The following LINGO2 variants were observed in gnomAD, a reference collection of about 807,000 sequenced individuals.
The protein encoded by LINGO2 is leucine rich repeat and Ig domain containing 2.
Under a neutral mutation model 30.6 loss-of-function variants are expected in LINGO2, and 14 were observed. That is an observed-to-expected ratio of 0.46 (90% CI 0.30 to 0.72). LINGO2 has a LOEUF of 0.72. Ranked by LOEUF, LINGO2 falls within the 30% of genes least tolerant of loss-of-function variation. The probability of loss-of-function intolerance (pLI) is 0.07; values close to 1 mark genes in which losing one functional copy is unlikely to be tolerated. For missense variants in LINGO2, 729 were observed against 751.7 expected (o/e 0.97, Z 0.35); for synonymous variants, 317 against 288.5 (o/e 1.10, Z -1.00).
rs550205466 is a variant in LINGO2, at chr9:28,189,208, C to T, written c.-87+106000G>A. On this transcript the variant is annotated intron_variant, in intron 4 of 5. Transcript: ENST00000379992. ...CAGAGCAGTGATCTTTTTTTTCTAC[C>T]ATATTAGGAAGGAAAGAAGGAAGGA... Among the ~76,000 whole-genome samples the T allele has an allele frequency of 1.2e-4, 17 of 143,714 alleles. No homozygotes were observed. The South Asian group carries it at 3.6e-3, about 30-fold the overall frequency. 94.3% of individuals were successfully genotyped at this position (143,714 alleles called of 152,430 possible).
chr9:29,091,491 A>G, the LINGO2 span, among the ~76,000 whole-genome samples: 5 of 152,106 alleles, frequency 3.3e-5, no homozygotes, highest in Admixed American at 2.6e-4. Context: ...AGATGAGTGT[A>G]CAACAGCTCT....
At chr9:28,302,337 C>T (rs1824180495) in intron 3 of LINGO2, among the ~76,000 whole-genome samples, 1 of 152,194 alleles carries the variant, frequency 6.6e-6, no homozygotes, top group Admixed American at 6.5e-5. Context: ...ATTAGTTTGA[C>T]AGCAGTACCA....
chr9:28,396,629 G>C (rs1184420227), intron 2 of LINGO2, among the ~76,000 whole-genome samples: 2 of 147,696 alleles, frequency 1.4e-5, no homozygotes, highest in East Asian at 4.2e-4. Flanking sequence ...GCGTGAACCC[G>C]GGAGGCGGAG....
At chr9:29,184,968 T>C in the LINGO2 span, among the ~76,000 whole-genome samples, 2 of 152,178 alleles carry the variant, frequency 1.3e-5, 1 homozygote, top group South Asian at 4.1e-4. Flanking sequence ...AACACAGTGA[T>C]TAAAAATAAT....
the LINGO2 span, among the ~76,000 whole-genome samples, chr9:28,857,894 T>A: frequency 6.6e-6 from 1 of 152,166 alleles, no homozygotes; most frequent in African/African-American, 2.4e-5. Context: ...CTATTTCTTT[T>A]AATTTTTTTA....
the LINGO2 span, among the ~76,000 whole-genome samples, chr9:29,068,461 T>C: frequency 3.3e-5 from 5 of 151,846 alleles, no homozygotes; most frequent in African/African-American, 1.2e-4. Context: ...TAGTTTTAGA[T>C]TGGTACAGAA....
intron 4 of LINGO2, among the ~76,000 whole-genome samples, chr9:28,221,446 G>C (rs955332498): frequency 7.9e-5 from 12 of 151,118 alleles, no homozygotes; most frequent in African/African-American, 2.4e-4. Flanking sequence ...CATGTTTTAC[G>C]CAGTAAATAT....
the LINGO2 span, among the ~76,000 whole-genome samples, chr9:28,783,506 G>A: frequency 1.3e-5 from 2 of 151,782 alleles, no homozygotes; most frequent in African/African-American, 4.8e-5. Flanking sequence ...TGGAATCCAC[G>A]GATATGGAGG....
chr9:28,696,528 T>C, the LINGO2 span, among the ~76,000 whole-genome samples: 16 of 152,046 alleles, frequency 1.1e-4, 1 homozygote, highest in South Asian at 3.3e-3. Context: ...AATGAATTCA[T>C]TTTTGACTAT....
chr9:28,313,867 C>T (rs954687919), intron 3 of LINGO2, among the ~76,000 whole-genome samples: 1 of 152,150 alleles, frequency 6.6e-6, no homozygotes, highest in Non-Finnish European at 1.5e-5. Flanking sequence ...TGAAGAGGGC[C>T]TTTAAATGTT....
At chr9:28,540,885 C>T (rs1821662954) in intron 1 of LINGO2, among the ~76,000 whole-genome samples, 1 of 152,192 alleles carries the variant, frequency 6.6e-6, no homozygotes, top group East Asian at 1.9e-4. Context: ...ACCTACTGGA[C>T]TGTGATCAGA....
chr9:29,110,584 G>C, the LINGO2 span, among the ~76,000 whole-genome samples: 2 of 150,984 alleles, frequency 1.3e-5, no homozygotes, highest in Non-Finnish European at 3.0e-5. Flanking sequence ...CGCCCGCCTC[G>C]GGGCCTCCCA....
chr9:28,455,982 A>G (rs1023182722), intron 2 of LINGO2, among the ~76,000 whole-genome samples: 1 of 152,140 alleles, frequency 6.6e-6, no homozygotes, highest in African/African-American at 2.4e-5. Context: ...TGCTTAGCAT[A>G]TTAGTAGTAC....
chr9:28,996,062 C>T, the LINGO2 span, among the ~76,000 whole-genome samples: 6 of 150,952 alleles, frequency 4.0e-5, no homozygotes, highest in African/African-American at 1.2e-4. Flanking sequence ...AATGTCTTCT[C>T]CAGAATGTGA....
At chr9:28,036,503 T>C (rs868416470) in intron 4 of LINGO2, among the ~76,000 whole-genome samples, 46 of 152,156 alleles carry the variant, frequency 3.0e-4, no homozygotes, top group African/African-American at 1.1e-3. Flanking sequence ...CTGAGGGTAT[T>C]TATCTGTCTA....
At chr9:29,045,780 G>C in the LINGO2 span, among the ~76,000 whole-genome samples, 9 of 152,042 alleles carry the variant, frequency 5.9e-5, no homozygotes, top group African/African-American at 2.2e-4. Flanking sequence ...CATAAGCATA[G>C]GGTGTTTTTC....
intron 1 of LINGO2, among the ~76,000 whole-genome samples, chr9:28,664,996 CATATATATATATATATATAT>C (rs10527878): frequency 0.15 from 14,220 of 96,376 alleles, 1,302 homozygotes; most frequent in Admixed American, 0.28. Context: ...TATGTGTTTA[CATATATATATATATATATAT>C]ATATATATAT....
intron 4 of LINGO2, among the ~76,000 whole-genome samples, chr9:28,126,623 C>G (rs1827243255): frequency 6.6e-6 from 1 of 152,206 alleles, no homozygotes. Flanking sequence ...CTAGGGGTCC[C>G]TCAAAGAAAC....
At chr9:28,741,297 G>T in the LINGO2 span, among the ~76,000 whole-genome samples, 1 of 151,996 alleles carries the variant, frequency 6.6e-6, no homozygotes, top group Non-Finnish European at 1.5e-5. Flanking sequence ...ACCTGATGCT[G>T]GGGCAGACCT....
Sources: allele counts gnomAD v4.1 joint callset (sites outside exome capture counted in the v4.1 genomes callset), GRCh38; gene constraint gnomAD v4.1.1; transcripts MANE v1.5; gene names NCBI Gene and HGNC (gene_info 2026-07-23, HGNC 2026-07-21).